The following THSD7A variants were observed in gnomAD, a reference collection of about 807,000 sequenced individuals.
THSD7A encodes the protein thrombospondin type-1 domain-containing protein 7A.
THSD7A carries 96 observed loss-of-function variants against 231.3 expected under a neutral mutation model. That is an observed-to-expected ratio of 0.41 (90% CI 0.35 to 0.49). THSD7A has a LOEUF of 0.49. THSD7A is among the 20% of genes least tolerant of loss of function. The pLI, the probability that THSD7A is intolerant of heterozygous loss-of-function variation, is 0.05. For synonymous variants in THSD7A, 940 were observed against 743.3 expected (o/e 1.26, Z -4.30); for missense variants, 2,290 against 2,070.2 (o/e 1.11, Z -2.06).
At position 11,831,827 on chromosome 7, in the gene THSD7A, T is replaced by TAGC. The variant is rs754092818; in HGVS notation, c.117_119dup (p.Leu40dup). The TAGC allele has an allele frequency of 1.9e-5, 27 of 1,434,502 alleles. No homozygotes were observed. The highest frequency in any genetic ancestry group is 5.9e-5 in the African/African-American group (4 of 68,206). 88.9% of individuals were successfully genotyped at this position (1,434,502 alleles called of 1,614,324 possible). Reference sequence around the variant, plus strand: ...CCGCAGCCCTGCCGGCGCCCGGGCGTAGCAGCAGCAGCAGGAGCAGCGGCA... The same window carrying TAGC: ...CCGCAGCCCTGCCGGCGCCCGGGCGTAGCAGCAGCAGCAGCAGGAGCAGCGGCA... On this transcript the variant is annotated inframe_insertion, in exon 1 of 28. Coordinates refer to ENST00000423059, the MANE Select transcript of THSD7A (RefSeq NM_015204.3). The surrounding 1 kb of genome is among the most constrained non-coding windows in gnomAD (Gnocchi z 5.0).
rs144142490 is a variant in THSD7A at position 11,588,221 on chromosome 7, A to T, written c.1453+2239T>A. On this transcript the variant is annotated intron_variant, in intron 4 of 27. Coordinates refer to ENST00000423059, the MANE Select transcript of THSD7A (RefSeq NM_015204.3). ...AATTGTTCTCCATTCACACATATTTATAGACTTCGCATGTCACCCCTGGGA... is the reference window on the plus strand; with the variant it reads ...AATTGTTCTCCATTCACACATATTTTTAGACTTCGCATGTCACCCCTGGGA... Among the ~76,000 whole-genome samples, 414 of 152,290 alleles carry T rather than the reference A, an allele frequency of 2.7e-3. 1 individual carries two copies. Among genetic ancestry groups the T allele is most frequent in the African/African-American group, 9.6e-3 (401 of 41,558 alleles).
intron 2 of THSD7A, among the ~76,000 whole-genome samples, chr7:11,595,208 A>C (rs555389827): frequency 1.3e-5 from 2 of 152,186 alleles, no homozygotes; most frequent in South Asian, 4.1e-4. Context: ...ACCTACAACT[A>C]GACTAAAGTC....
chr7:11,642,741 G>T (rs1426306148), intron 1 of THSD7A, among the ~76,000 whole-genome samples: 1 of 152,062 alleles, frequency 6.6e-6, no homozygotes, highest in East Asian at 1.9e-4. Flanking sequence ...TTAGGCTAGT[G>T]CTTTAAGTAT....
At chr7:11,395,317 T>C (rs1447545472) in intron 23 of THSD7A, among the ~76,000 whole-genome samples, 5 of 152,098 alleles carry the variant, frequency 3.3e-5, no homozygotes, top group Non-Finnish European at 7.4e-5. Flanking sequence ...CCCAGATTCA[T>C]AAAGCAAGCC....
At chr7:11,509,287 G>A (rs1414045448) in intron 6 of THSD7A, among the ~76,000 whole-genome samples, 2 of 152,108 alleles carry the variant, frequency 1.3e-5, no homozygotes, top group African/African-American at 4.8e-5. Context: ...AAGTACTAGA[G>A]CAGTGATGAA....
chr7:11,744,999 A>G (rs1221202223), intron 1 of THSD7A, among the ~76,000 whole-genome samples: 1 of 151,858 alleles, frequency 6.6e-6, no homozygotes, highest in African/African-American at 2.4e-5. Context: ...CTAGTTCTAG[A>G]TCCCTGAGGA....
At chr7:11,593,615 A>T (rs1584046253) in intron 2 of THSD7A, 113 bp from the exon 3 acceptor site, 3 of 1,340,014 alleles carry the variant, frequency 2.2e-6, no homozygotes, top group East Asian at 4.7e-5. Flanking sequence ...TGGAGGTGTG[A>T]TTCCAGTTTC....
chr7:11,419,322 C>G (rs958943798), intron 16 of THSD7A, among the ~76,000 whole-genome samples: 2 of 152,164 alleles, frequency 1.3e-5, no homozygotes, highest in Non-Finnish European at 2.9e-5. Context: ...GTTCCCCTTG[C>G]TGTTCATGAT....
intron 2 of THSD7A, among the ~76,000 whole-genome samples, chr7:11,615,240 G>C (rs1781065777): frequency 6.6e-6 from 1 of 152,178 alleles, no homozygotes; most frequent in Non-Finnish European, 1.5e-5. Context: ...TGATCACCCT[G>C]ACTTGAAGAC....
At chr7:11,772,204 AAAAC>A (rs1783253790) in intron 1 of THSD7A, among the ~76,000 whole-genome samples, 1 of 113,146 alleles carries the variant, frequency 8.8e-6, no homozygotes, top group South Asian at 2.6e-4. Flanking sequence ...TTAAAAAGTT[AAAAC>A]AAAAAAAAAC....
At chr7:11,539,890 T>C (rs919728487) in intron 6 of THSD7A, among the ~76,000 whole-genome samples, 4 of 152,298 alleles carry the variant, frequency 2.6e-5, no homozygotes, top group African/African-American at 9.6e-5. Context: ...TATAGGACTA[T>C]GGAAGGACAA....
rs561176882 is a variant in THSD7A at position 11,622,539 on chromosome 7, A to G, written c.1022+13591T>C. On this transcript the variant is annotated intron_variant, in intron 2 of 27. Coordinates refer to ENST00000423059, the MANE Select transcript of THSD7A (RefSeq NM_015204.3). ...TCTGACTTTAATCCAGGCCATCTGA[A>G]TCTGATGCTGGTGTTATGTCATATC... Among the ~76,000 whole-genome samples the G allele has an allele frequency of 2.6e-5, 4 of 152,186 alleles. No individual in the cohort carries two copies. The South Asian group carries it at 8.3e-4, about 32-fold the overall frequency.
intron 6 of THSD7A, among the ~76,000 whole-genome samples, chr7:11,501,122 T>A (rs1787319334): frequency 6.6e-6 from 1 of 151,906 alleles, no homozygotes; most frequent in Non-Finnish European, 1.5e-5. Context: ...ACACCCAGAT[T>A]CATAAAGCAA....
At chr7:11,795,341 A>G (rs1490058813) in intron 1 of THSD7A, among the ~76,000 whole-genome samples, 3 of 148,282 alleles carry the variant, frequency 2.0e-5, no homozygotes, top group African/African-American at 5.0e-5. Context: ...TATTCTTATA[A>G]CCCCGAGCTC....
At chr7:11,471,909 T>C (rs1337124291) in intron 8 of THSD7A, among the ~76,000 whole-genome samples, 1 of 152,160 alleles carries the variant, frequency 6.6e-6, no homozygotes, top group Non-Finnish European at 1.5e-5. Context: ...AAGGCAATTT[T>C]ATAACTTTAA....
At chr7:11,570,198 A>G (rs1449076964) in intron 4 of THSD7A, among the ~76,000 whole-genome samples, 1 of 152,100 alleles carries the variant, frequency 6.6e-6, no homozygotes, top group Non-Finnish European at 1.5e-5. Context: ...AAGAAAAGAA[A>G]AGAAAAAAGA....
At chr7:11,447,092 C>T (rs1225597737) in intron 12 of THSD7A, 138 bp downstream of exon 12, 1 of 828,034 alleles carries the variant, frequency 1.2e-6, no homozygotes, top group African/African-American at 1.8e-5. Flanking sequence ...TTTATCACTG[C>T]CAGCTAAATT....
At chr7:11,734,846 C>A (rs1419021950) in intron 1 of THSD7A, among the ~76,000 whole-genome samples, 3 of 151,772 alleles carry the variant, frequency 2.0e-5, no homozygotes, top group African/African-American at 7.3e-5. Context: ...TGAATAAACC[C>A]ATTTTTTCAA....
chr7:11,416,902 A>G (rs1783980865), intron 17 of THSD7A, among the ~76,000 whole-genome samples: 2 of 152,184 alleles, frequency 1.3e-5, no homozygotes, highest in South Asian at 4.1e-4. Flanking sequence ...AGAGACACAG[A>G]GTCAGTGTGT....
Sources: allele counts gnomAD v4.1 joint callset (sites outside exome capture counted in the v4.1 genomes callset), GRCh38; gene constraint gnomAD v4.1.1; non-coding constraint Gnocchi (gnomAD v3.1); transcripts MANE v1.5; gene names NCBI Gene and HGNC (gene_info 2026-07-23, HGNC 2026-07-21).